The following AUTS2 variants were observed in gnomAD, a reference collection of about 807,000 sequenced individuals.
AUTS2 encodes autism susceptibility gene 2 protein.
A neutral mutation model predicts 112.4 loss-of-function variants in AUTS2; 17 were observed. The observed-to-expected ratio is 0.15, with a 90% CI of 0.10 to 0.23. AUTS2 has a LOEUF of 0.23. Among genes scored for constraint, AUTS2 ranks in the 10% least tolerant of loss-of-function variants. The pLI is 1.00. For synonymous variants in AUTS2, 751 were observed against 702.7 expected, an observed-to-expected ratio of 1.07 and a Z score of -1.09; for missense variants, 1,510 against 1,701.6, an observed-to-expected ratio of 0.89 and a Z score of 1.98.
intron 5 of AUTS2, among the ~76,000 whole-genome samples, chr7:70,658,936 A>G (rs1390127346): frequency 2.0e-5 from 3 of 152,214 alleles, no homozygotes; most frequent in African/African-American, 7.2e-5. Flanking sequence ...TAGTAGAATT[A>G]CAAGCTCCCC....
chr7:70,651,028 A>T (rs1264246182), intron 5 of AUTS2, among the ~76,000 whole-genome samples: 1 of 152,232 alleles, frequency 6.6e-6, no homozygotes, highest in Non-Finnish European at 1.5e-5. Context: ...GTAATGATCA[A>T]CATTACAGTT....
chr7:69,951,174 T>C (rs1351372495), intron 2 of AUTS2, among the ~76,000 whole-genome samples: 2 of 152,154 alleles, frequency 1.3e-5, no homozygotes, highest in Admixed American at 6.5e-5. Flanking sequence ...TCAGCAAAAA[T>C]AGTTTTTATA....
intron 6 of AUTS2, among the ~76,000 whole-genome samples, chr7:70,739,603 A>G (rs1051740771): frequency 3.3e-5 from 5 of 152,104 alleles, no homozygotes; most frequent in African/African-American, 9.7e-5. Flanking sequence ...CAAAGTCTCA[A>G]AGCTAATTCT....
At chr7:70,588,972 G>A (rs1256022856) in intron 5 of AUTS2, among the ~76,000 whole-genome samples, 1 of 152,124 alleles carries the variant, frequency 6.6e-6, no homozygotes, top group Non-Finnish European at 1.5e-5. Flanking sequence ...TTCAGACTCC[G>A]ATCTATATAT....
intron 4 of AUTS2, among the ~76,000 whole-genome samples, chr7:70,247,017 A>G (rs1457684327): frequency 6.6e-6 from 1 of 152,044 alleles, no homozygotes. Context: ...CGTTCTTCGT[A>G]TATACCCAAA....
chr7:70,039,615 C>A (rs1042312664), intron 2 of AUTS2, among the ~76,000 whole-genome samples: 4 of 152,136 alleles, frequency 2.6e-5, no homozygotes, highest in Non-Finnish European at 4.4e-5. Context: ...TTCCAAATTG[C>A]TGGGATTACA....
chr7:70,789,799 C>A lies in AUTS2; in HGVS notation c.2583C>A (p.Leu861=), dbSNP rs542935772. The change falls in exon 19 of 19, where the codon CTC becomes CTA. Residue 861 remains leucine, a synonymous_variant. Coordinates refer to ENST00000342771, the MANE Select transcript of AUTS2 (RefSeq NM_015570.4). ...HSSHPSPAPV[L]PVNALGHTRS... ...GCCACCCTTCACCAGCACCTGTCCT[C>A]CCGGTGAATGCCCTGGGACATACCC... 2 of 1,614,172 alleles carry A rather than the reference C, an allele frequency of 1.2e-6. No homozygotes were observed. The highest frequency in any genetic ancestry group is 2.2e-5 in the South Asian group (2 of 91,076).
rs547376994 is a variant in AUTS2 at position 70,085,398 on chromosome 7, C to A, written c.523-32734C>A. On this transcript the variant is annotated intron_variant, in intron 2 of 18. Transcript: ENST00000342771. ...TTTTTTTTTTTGAGATGGAGTCTCG[C>A]TCTGTTGCGCAGGCTGGAGTGCAGT... Among the ~76,000 whole-genome samples, 3 of 150,374 alleles carry A rather than the reference C, an allele frequency of 2.0e-5. No homozygotes were observed. In the South Asian group the frequency reaches 6.3e-4, roughly 32 times the overall value.
At chr7:70,248,428 C>A (rs1478424712) in intron 4 of AUTS2, among the ~76,000 whole-genome samples, 3 of 152,086 alleles carry the variant, frequency 2.0e-5, no homozygotes, top group African/African-American at 7.2e-5. Flanking sequence ...CCAGCCATGT[C>A]TCTGTGTTTT....
At chr7:69,716,821 G>C (rs902098671) in intron 1 of AUTS2, among the ~76,000 whole-genome samples, 2 of 151,958 alleles carry the variant, frequency 1.3e-5, no homozygotes, top group South Asian at 2.1e-4. Context: ...CAGAGAACCC[G>C]GGGGGGAAAA....
intron 4 of AUTS2, among the ~76,000 whole-genome samples, chr7:70,397,905 A>G (rs896769727): frequency 3.9e-5 from 6 of 152,232 alleles, no homozygotes; most frequent in South Asian, 2.1e-4. Context: ...TCAGTCTCCA[A>G]TTTCTGAGTT....
At chr7:69,914,913 G>T (rs1249444457) in intron 2 of AUTS2, among the ~76,000 whole-genome samples, 1 of 152,098 alleles carries the variant, frequency 6.6e-6, no homozygotes, top group Non-Finnish European at 1.5e-5. Context: ...TTTTAAAGTG[G>T]CCCAATTAAT....
At chr7:70,723,484 G>A (rs963740462) in intron 6 of AUTS2, among the ~76,000 whole-genome samples, 1 of 151,956 alleles carries the variant, frequency 6.6e-6, no homozygotes, top group Non-Finnish European at 1.5e-5. Context: ...CCTGGATTTG[G>A]CAGAAAGCCC....
intron 5 of AUTS2, among the ~76,000 whole-genome samples, chr7:70,592,234 G>A (rs758887614): frequency 7.9e-5 from 12 of 152,088 alleles, no homozygotes; most frequent in East Asian, 1.9e-4. Context: ...ACTTTTTGTC[G>A]TGAGCAATAC....
chr7:70,112,315 G>T (rs1007733596), intron 2 of AUTS2, among the ~76,000 whole-genome samples: 5 of 151,188 alleles, frequency 3.3e-5, no homozygotes, highest in Admixed American at 2.0e-4. Flanking sequence ...TTTTATCATA[G>T]AGAAGTCTGT....
intron 4 of AUTS2, among the ~76,000 whole-genome samples, chr7:70,389,388 C>T (rs1200433152): frequency 6.6e-6 from 1 of 152,192 alleles, no homozygotes; most frequent in African/African-American, 2.4e-5. Context: ...CAGGTGCCAT[C>T]ATCACATGTA....
intron 5 of AUTS2, among the ~76,000 whole-genome samples, chr7:70,539,244 G>T (rs1800447489): frequency 6.6e-6 from 1 of 152,154 alleles, no homozygotes; most frequent in Non-Finnish European, 1.5e-5. Flanking sequence ...TTACTATGTT[G>T]TTGTTTGCCA....
At position 70,661,869 on chromosome 7, in the gene AUTS2, T is replaced by C. The variant is rs139140459; in HGVS notation, c.691-36700T>C. On this transcript the variant is annotated intron_variant, in intron 5 of 18. Transcript: ENST00000342771. Reference sequence around the variant, plus strand: ...TACGGGAATGGCTTTTTGGATACTGTTGTTTGAAGAAAAAAAAAAGGTCAT... The same window carrying C: ...TACGGGAATGGCTTTTTGGATACTGCTGTTTGAAGAAAAAAAAAAGGTCAT... Among the ~76,000 whole-genome samples the C allele has an allele frequency of 2.3e-3, 344 of 151,968 alleles. 1 individual carries two copies. Among genetic ancestry groups the C allele is most frequent in the African/African-American group, 7.9e-3 (329 of 41,420 alleles).
intron 2 of AUTS2, among the ~76,000 whole-genome samples, chr7:70,020,300 C>G (rs374504545): frequency 6.6e-6 from 1 of 152,280 alleles, no homozygotes; most frequent in East Asian, 1.9e-4. Context: ...ACCCCCCACT[C>G]TCACCTGCAT....
Sources: allele counts gnomAD v4.1 joint callset (sites outside exome capture counted in the v4.1 genomes callset), GRCh38; gene constraint gnomAD v4.1.1; transcripts MANE v1.5; gene names NCBI Gene and HGNC (gene_info 2026-07-23, HGNC 2026-07-21).